Variants in RHEX observed in about 807,000 individuals in gnomAD.
RHEX encodes regulator of hemoglobinization and erythroid cell expansion protein.
In RHEX, 18 loss-of-function variants were observed where a neutral mutation model predicts 20.1. The observed-to-expected ratio is 0.90, with a 90% CI of 0.62 to 1.33. The LOEUF (loss-of-function observed/expected upper bound fraction) is 1.33, where lower values mean the gene tolerates loss of function less well. Among genes scored for constraint, RHEX ranks in the 40% most tolerant of loss-of-function variants. The pLI, the probability that RHEX is intolerant of heterozygous loss-of-function variation, is 0.00. For missense variants in RHEX, 192 were observed against 214.3 expected (o/e 0.90, Z 0.65); for synonymous variants, 87 against 77.1 (o/e 1.13, Z -0.67).
intron 1 of RHEX, among the ~76,000 whole-genome samples, chr1:206,054,544 A>G (rs1032302173): frequency 5.3e-5 from 8 of 152,248 alleles, no homozygotes; most frequent in Non-Finnish European, 7.3e-5. Context: ...GTGTGTAAAC[A>G]TATTAGCTAA....
intron 1 of RHEX, among the ~76,000 whole-genome samples, chr1:206,065,301 T>C (rs1553284071): frequency 6.6e-6 from 1 of 151,690 alleles, no homozygotes; most frequent in African/African-American, 2.4e-5. Flanking sequence ...TTTTTCTGGC[T>C]ACTGTATTGA....
chr1:206,084,366 A>G (rs1247077970), intron 1 of RHEX, among the ~76,000 whole-genome samples: 2 of 152,230 alleles, frequency 1.3e-5, no homozygotes, highest in Non-Finnish European at 2.9e-5. Context: ...AGGACTGTTC[A>G]AAGAATTTTA....
At chr1:206,071,221 T>C (rs1303103748) in intron 1 of RHEX, among the ~76,000 whole-genome samples, 1 of 152,146 alleles carries the variant, frequency 6.6e-6, no homozygotes, top group Non-Finnish European at 1.5e-5. Flanking sequence ...TGGAGTCTAA[T>C]GTTCAAGGGC....
intron 1 of RHEX, among the ~76,000 whole-genome samples, chr1:206,080,982 T>TACAC (rs71152465): frequency 8.7e-4 from 131 of 149,908 alleles, no homozygotes; most frequent in African/African-American, 2.0e-3. Context: ...TTTTTGTACA[T>TACAC]ACACACACAC....
intron 1 of RHEX, among the ~76,000 whole-genome samples, chr1:206,076,157 CTT>C (rs76616915): frequency 0.018 from 2,546 of 143,252 alleles, 67 homozygotes; most frequent in African/African-American, 0.062. Flanking sequence ...ACCAGGGAGT[CTT>C]TTTTTTTTTT....
chr1:206,091,126 C>G (rs1477019741), intron 1 of RHEX, among the ~76,000 whole-genome samples: 1 of 152,128 alleles, frequency 6.6e-6, no homozygotes, highest in Non-Finnish European at 1.5e-5. Flanking sequence ...TATTAGGTAG[C>G]CTTTCTGTGT....
Position 206,077,541 on chromosome 1 carries a change from G to C in RHEX, c.-96-20192G>C, listed in dbSNP as rs868951038. Among the ~76,000 whole-genome samples the C allele has an allele frequency of 5.3e-5, 8 of 152,294 alleles. 1 individual carries two copies. The Middle Eastern group carries it at 0.014, about 259-fold the overall frequency. ...AATCCCAGAACTTTGGGAGGGGAAG[G>C]AGGGAGGATGACTTGAGGGTAGGAG... On this transcript the variant is annotated intron_variant, in intron 1 of 5. Transcript: ENST00000331555.
Position 206,101,117 on chromosome 1 carries a change from C to T in RHEX, c.257-19C>T, listed in dbSNP as rs180949832. On this transcript the variant is annotated intron_variant, in intron 4 of 5. Coordinates refer to ENST00000331555, the MANE Select transcript of RHEX (RefSeq NM_001007544.4). ...CTCTGGCTTGCTTTGGAAGAGGAACCGTTTCTATTTCTCCCCAGATGACAG... is the reference window on the plus strand; with the variant it reads ...CTCTGGCTTGCTTTGGAAGAGGAACTGTTTCTATTTCTCCCCAGATGACAG... 2.8e-4 allele frequency: 455 copies of T among 1,606,990 alleles called. 1 individual carries two copies. The East Asian group carries it at 6.9e-3, about 24-fold the overall frequency.
At position 206,053,893 on chromosome 1, in the gene RHEX, A is replaced by G. The variant is rs145875205; in HGVS notation, c.-97+628A>G. ...CAGAGGCAAGGAAAGACCAGTAGAG[A>G]GAAAAAAAGGCCATCTATACCAATT... On this transcript the variant is annotated intron_variant, in intron 1 of 5. Coordinates refer to ENST00000331555, the MANE Select transcript of RHEX (RefSeq NM_001007544.4). Among the ~76,000 whole-genome samples the G allele has an allele frequency of 2.8e-3, 430 of 152,356 alleles. 5 individuals are homozygous for G. Among genetic ancestry groups the G allele is most frequent in the African/African-American group, 9.8e-3 (406 of 41,556 alleles).
At chr1:206,068,604 C>T (rs954319810) in intron 1 of RHEX, among the ~76,000 whole-genome samples, 1 of 152,158 alleles carries the variant, frequency 6.6e-6, no homozygotes, top group African/African-American at 2.4e-5. Context: ...AAGATAAACC[C>T]TCTGGAAATT....
In RHEX at chr1:206,067,628, C is replaced by T. The variant is rs1392143571; in HGVS notation, c.-97+14363C>T. On this transcript the variant is annotated intron_variant, in intron 1 of 5. Coordinates refer to ENST00000331555, the MANE Select transcript of RHEX (RefSeq NM_001007544.4). The surrounding 1 kb of genome is among the most constrained non-coding windows in gnomAD (Gnocchi z 4.6). ...TTTCTGCCAGACAGCTCATCACTGA[C>T]AACCCACTGGCAGGACATCCTGTTC... Among the ~76,000 whole-genome samples the T allele has an allele frequency of 6.6e-6, 1 of 152,182 alleles. No individual in the cohort carries two copies. The highest frequency in any genetic ancestry group is 1.5e-5 in the Non-Finnish European group (1 of 68,020).
At chr1:206,082,236 G>A (rs980275070) in intron 1 of RHEX, among the ~76,000 whole-genome samples, 2 of 152,096 alleles carry the variant, frequency 1.3e-5, no homozygotes, top group Non-Finnish European at 2.9e-5. Context: ...TGTTAATAGC[G>A]GCTGGGCGCT....
chr1:206,073,304 G>A (rs539190032), intron 1 of RHEX, among the ~76,000 whole-genome samples: 16 of 152,292 alleles, frequency 1.1e-4, no homozygotes, highest in African/African-American at 3.6e-4. Context: ...ATTGCCAGCA[G>A]CAGACAGGTG....
chr1:206,059,051 G>A (rs140648381), intron 1 of RHEX, among the ~76,000 whole-genome samples: 1,905 of 152,076 alleles, frequency 0.013, 31 homozygotes, highest in African/African-American at 0.041. Context: ...CCCTCCTGCC[G>A]TAACAGGTGT....
intron 2 of RHEX, 83 bp from the exon 3 acceptor site, chr1:206,097,998 C>A: frequency 8.0e-7 from 1 of 1,255,654 alleles, no homozygotes; most frequent in Non-Finnish European, 1.2e-6. Flanking sequence ...CAGATGTCTG[C>A]CTCCAGCTAG....
chr1:206,072,904 T>C (rs1354830189), intron 1 of RHEX, among the ~76,000 whole-genome samples: 1 of 148,228 alleles, frequency 6.7e-6, no homozygotes, highest in Non-Finnish European at 1.5e-5. Flanking sequence ...TGATCACAGC[T>C]CACGGCAACC....
chr1:206,058,983 G>C (rs891068129), intron 1 of RHEX, among the ~76,000 whole-genome samples: 1 of 151,942 alleles, frequency 6.6e-6, no homozygotes, highest in African/African-American at 2.4e-5. Context: ...CACCTCCTCT[G>C]CCTGCCCAGG....
intron 1 of RHEX, among the ~76,000 whole-genome samples, chr1:206,085,280 C>T (rs534222699): frequency 1.3e-5 from 2 of 152,168 alleles, no homozygotes. Flanking sequence ...CGTGTTTTTA[C>T]GTACTGTGCT....
Position 206,097,789 on chromosome 1 carries a change from G to A in RHEX, c.-40G>A, listed in dbSNP as rs371798638. The A allele has an allele frequency of 1.5e-5, 25 of 1,614,026 alleles. No individual in the cohort carries two copies. Among genetic ancestry groups the A allele is most frequent in the Non-Finnish European group, 2.0e-5 (24 of 1,180,000 alleles). Reference sequence around the variant, plus strand: ...GAGACGAGGTGCCAGGGTGGTTCCTGAAAGTGCCTGAGCCCCAACTTATCA... The same window carrying A: ...GAGACGAGGTGCCAGGGTGGTTCCTAAAAGTGCCTGAGCCCCAACTTATCA... On this transcript the variant is annotated 5_prime_UTR_variant, in exon 2 of 6. Coordinates refer to ENST00000331555, the MANE Select transcript of RHEX (RefSeq NM_001007544.4).
Sources: gnomAD v4.1 joint callset for allele counts (sites outside exome capture counted in the v4.1 genomes callset) on GRCh38, gnomAD v4.1.1 for gene constraint, Gnocchi (gnomAD v3.1) non-coding constraint, MANE v1.5 for transcripts, NCBI Gene and HGNC (gene_info 2026-07-23, HGNC 2026-07-21) for gene names.